Variants in MON2 observed in about 807,000 individuals in gnomAD.
MON2 encodes the protein protein MON2 homolog.
A neutral mutation model predicts 208.6 loss-of-function variants in MON2; 84 were observed. The observed-to-expected ratio is 0.40, with a 90% CI of 0.34 to 0.48. MON2 has a LOEUF of 0.48. Ranked by LOEUF, MON2 falls within the 20% of genes least tolerant of loss-of-function variation. The pLI, the probability that MON2 is intolerant of heterozygous loss-of-function variation, is 0.59. For synonymous variants in MON2, 660 were observed against 694.0 expected, an observed-to-expected ratio of 0.95 and a Z score of 0.77; for missense variants, 1,611 against 2,015.4, an observed-to-expected ratio of 0.80 and a Z score of 3.84.
At chr12:62,575,433 AC>A (rs2074738536) in intron 30 of MON2, among the ~76,000 whole-genome samples, 1 of 152,214 alleles carries the variant, frequency 6.6e-6, no homozygotes, top group Non-Finnish European at 1.5e-5. Context: ...CCACATATGT[AC>A]TATGTTCTAT....
intron 1 of MON2, among the ~76,000 whole-genome samples, chr12:62,471,010 A>G (rs2068764066): frequency 6.6e-6 from 1 of 152,186 alleles, no homozygotes; most frequent in Non-Finnish European, 1.5e-5. Flanking sequence ...ATTGAGTTAG[A>G]CAGTAGTGAA....
At chr12:62,530,643 G>T (rs868727052) in intron 11 of MON2, among the ~76,000 whole-genome samples, 2 of 152,064 alleles carry the variant, frequency 1.3e-5, no homozygotes, top group African/African-American at 2.4e-5. Flanking sequence ...GTTAATTGAT[G>T]CATATTGGGT....
At chr12:62,527,832 G>A (rs1272470318) in intron 11 of MON2, among the ~76,000 whole-genome samples, 1 of 149,850 alleles carries the variant, frequency 6.7e-6, no homozygotes, top group African/African-American at 2.5e-5. Context: ...GTGAAGATGT[G>A]TACTTGAGGA....
intron 8 of MON2, among the ~76,000 whole-genome samples, chr12:62,519,953 C>T (rs1416953574): frequency 6.6e-6 from 1 of 152,212 alleles, no homozygotes; most frequent in Non-Finnish European, 1.5e-5. Context: ...GTAGCTGGGA[C>T]TACTGGCGCC....
At chr12:62,583,380 G>A (rs1019426914) in intron 32 of MON2, among the ~76,000 whole-genome samples, 2 of 129,314 alleles carry the variant, frequency 1.5e-5, no homozygotes, top group African/African-American at 6.2e-5. Flanking sequence ...AACTAAAGAT[G>A]TAGAGTTCAG....
intron 5 of MON2, among the ~76,000 whole-genome samples, chr12:62,499,789 C>A (rs1184410615): frequency 6.6e-6 from 1 of 151,966 alleles, no homozygotes; most frequent in Non-Finnish European, 1.5e-5. Context: ...AGGAGAATCA[C>A]TTGAACCCGA....
At chr12:62,558,089 C>G (rs1394539124) in intron 25 of MON2, among the ~76,000 whole-genome samples, 1 of 147,668 alleles carries the variant, frequency 6.8e-6, no homozygotes, top group African/African-American at 2.5e-5. Flanking sequence ...ATTCTCCTGC[C>G]TCAGCCTCCT....
intron 2 of MON2, 118 bp downstream of exon 2, chr12:62,484,351 A>G: frequency 1.6e-6 from 1 of 639,768 alleles, no homozygotes. Flanking sequence ...GCCCTAACAT[A>G]TGCTATTCAT....
intron 11 of MON2, among the ~76,000 whole-genome samples, chr12:62,527,078 A>G (rs1212031427): frequency 1.3e-5 from 2 of 152,130 alleles, no homozygotes; most frequent in Non-Finnish European, 2.9e-5. Flanking sequence ...GTGAGCTGAG[A>G]TCATGTCACT....
In MON2 at chr12:62,597,253, A is replaced by G. The variant is rs908686846; in HGVS notation, c.*4504A>G. On this transcript the variant is annotated 3_prime_UTR_variant, in exon 35 of 35. Coordinates refer to ENST00000393630, the MANE Select transcript of MON2 (RefSeq NM_015026.3). ...TCTTTTATGTTTTTATCCTTGTTAA[A>G]TTTTATGTTTACGTTACCATCTTTC... The G allele has an allele frequency of 6.6e-6, 1 of 151,948 alleles. No individual in the cohort carries two copies. Among genetic ancestry groups the G allele is most frequent in the Non-Finnish European group, 1.5e-5 (1 of 67,978 alleles). The allele number at this position is 151,948 out of a possible 1,614,324, so 9.4% of individuals were successfully genotyped here.
chr12:62,524,381 C>A, intron 8 of MON2, 134 bp from the exon 9 acceptor site: 2 of 635,468 alleles, frequency 3.1e-6, no homozygotes, highest in South Asian at 2.3e-5. Context: ...TTTCTCCACT[C>A]CCCATTAAGA....
At chr12:62,506,686 A>G (rs540198257) in intron 7 of MON2, among the ~76,000 whole-genome samples, 16 of 150,896 alleles carry the variant, frequency 1.1e-4, no homozygotes, top group African/African-American at 3.9e-4. Context: ...AGATTGTACC[A>G]TTGCACTCCA....
intron 11 of MON2, among the ~76,000 whole-genome samples, chr12:62,526,358 A>T (rs1337906834): frequency 6.6e-6 from 1 of 152,190 alleles, no homozygotes; most frequent in Admixed American, 6.5e-5. Flanking sequence ...GCTCTCCTAT[A>T]CAGCTTTTTG....
chr12:62,484,590 T>G (rs571975054), intron 2 of MON2, among the ~76,000 whole-genome samples: 1 of 152,336 alleles, frequency 6.6e-6, no homozygotes, highest in East Asian at 1.9e-4. Context: ...AATGAAAGAT[T>G]TGTTCTCAGT....
At chr12:62,487,493 G>T (rs954776614) in intron 2 of MON2, among the ~76,000 whole-genome samples, 2 of 151,894 alleles carry the variant, frequency 1.3e-5, no homozygotes, top group Non-Finnish European at 2.9e-5. Context: ...TATACATAAA[G>T]AATTTTTACA....
At position 62,549,781 on chromosome 12, in the gene MON2, G is replaced by A; in HGVS notation, c.2867G>A (p.Gly956Asp). 6.2e-7 allele frequency: 1 copy of A among 1,612,318 alleles called. No homozygotes were observed. Among genetic ancestry groups the A allele is most frequent in the Non-Finnish European group, 8.5e-7 (1 of 1,179,192 alleles). ...QIVVDVAGSF[G>D]LHNQELNISL... ...GTTGTAGATGTTGCAGGTAGCTTTG[G>A]CCTCCATAACCAAGAACTCAATATT... The change falls in exon 23 of 35, where the codon GGC (glycine) becomes GAC (aspartate). Residue 956 changes from glycine (G) to aspartate (D), a missense_variant. Transcript: ENST00000393630.
intron 1 of MON2, among the ~76,000 whole-genome samples, chr12:62,468,075 T>G (rs191351412): frequency 2.8e-4 from 42 of 151,946 alleles, no homozygotes; most frequent in Non-Finnish European, 5.4e-4. Context: ...GAAATTTAAT[T>G]CTCCAAATAG....
chr12:62,504,669 A>G (rs1300851919), intron 7 of MON2, among the ~76,000 whole-genome samples: 1 of 142,662 alleles, frequency 7.0e-6, no homozygotes, highest in Non-Finnish European at 1.5e-5. Context: ...TCTTCCAGAG[A>G]TACGTATTTG....
rs545903860 is a variant in MON2 at position 62,598,145 on chromosome 12, T to G, written c.*5396T>G. 9.2e-5 allele frequency: 14 copies of G among 152,276 alleles called. No individual in the cohort carries two copies. Among genetic ancestry groups the G allele is most frequent in the African/African-American group, 3.4e-4 (14 of 41,566 alleles). The allele number at this position is 152,276 out of a possible 1,614,324, so 9.4% of individuals were successfully genotyped here. ...TCTTATAGTTCTCATATCTGAGTCT[T>G]TCTGGAGTGTATTTGGTGTCTGTGT... is the stretch of plus-strand genomic sequence containing the variant. On this transcript the variant is annotated 3_prime_UTR_variant, in exon 35 of 35. Transcript: ENST00000393630.
Sources: allele counts gnomAD v4.1 joint callset (sites outside exome capture counted in the v4.1 genomes callset), GRCh38; gene constraint gnomAD v4.1.1; transcripts MANE v1.5; gene names NCBI Gene and HGNC (gene_info 2026-07-23, HGNC 2026-07-21).